Variants in LARP4B observed in about 807,000 individuals in gnomAD.
LARP4B encodes la-related protein 4B.
Under a neutral mutation model 89.8 loss-of-function variants are expected in LARP4B, and 12 were observed. The observed-to-expected ratio is 0.13, with a 90% CI of 0.09 to 0.22. LARP4B has a LOEUF of 0.22. Ranked by LOEUF, LARP4B falls within the 10% of genes least tolerant of loss-of-function variation. The probability of loss-of-function intolerance (pLI) is 1.00; values close to 1 mark genes in which losing one functional copy is unlikely to be tolerated. For missense variants in LARP4B, 757 were observed against 947.7 expected, an observed-to-expected ratio of 0.80 and a Z score of 2.64; for synonymous variants, 367 against 363.3, an observed-to-expected ratio of 1.01 and a Z score of -0.12.
At chr10:844,829 C>T (rs2131740522) in intron 6 of LARP4B, 148 bp downstream of exon 6, 1 of 512,724 alleles carries the variant, frequency 2.0e-6, no homozygotes, top group Non-Finnish European at 3.3e-6. Context: ...TGTCAAAAGA[C>T]TGTCATTACT....
At chr10:906,011 AG>A (rs1836482918) in intron 1 of LARP4B, among the ~76,000 whole-genome samples, 1 of 152,262 alleles carries the variant, frequency 6.6e-6, no homozygotes, top group African/African-American at 2.4e-5. Flanking sequence ...CAAAAGAAAT[AG>A]TAAATCAAAT....
At chr10:901,101 A>G (rs1174812483) in intron 1 of LARP4B, among the ~76,000 whole-genome samples, 1 of 135,646 alleles carries the variant, frequency 7.4e-6, no homozygotes, top group Non-Finnish European at 1.6e-5. Context: ...TTGTATTGTT[A>G]GTAGAGACGA....
the LARP4B span, among the ~76,000 whole-genome samples, chr10:952,343 A>AAG: frequency 6.8e-6 from 1 of 146,982 alleles, no homozygotes; most frequent in African/African-American, 2.6e-5. Flanking sequence ...CCATCTCAAA[A>AAG]AAAAAAAAAA....
intron 3 of LARP4B, among the ~76,000 whole-genome samples, chr10:865,351 G>A (rs7077278): frequency 0.15 from 23,045 of 152,116 alleles, 1,912 homozygotes; most frequent in Non-Finnish European, 0.19. Context: ...CATCATGACA[G>A]TCACGCATGC....
In LARP4B at chr10:910,721, A is replaced by T. The variant is rs542337839; in HGVS notation, c.-40+20707T>A. Among the ~76,000 whole-genome samples the T allele has an allele frequency of 1.5e-3, 235 of 152,328 alleles. 1 individual carries two copies. Among genetic ancestry groups the T allele is most frequent in the African/African-American group, 4.3e-3 (178 of 41,572 alleles). ...TCTGCTCATGGCAGAGGTTTGGGAT[A>T]AAGGACTGGCAGATACTGGTGGTTA... On this transcript the variant is annotated intron_variant, in intron 1 of 17. Coordinates refer to ENST00000316157, the MANE Select transcript of LARP4B (RefSeq NM_015155.3).
chr10:827,672 C>T (rs997508840), intron 11 of LARP4B, among the ~76,000 whole-genome samples: 2 of 152,072 alleles, frequency 1.3e-5, no homozygotes, highest in African/African-American at 4.8e-5. Context: ...ACCCAGAACC[C>T]CAAGGATCCC....
chr10:982,872 G>A, the LARP4B span, among the ~76,000 whole-genome samples: 2 of 152,246 alleles, frequency 1.3e-5, no homozygotes, highest in Non-Finnish European at 2.9e-5. Context: ...TATTTGCTGG[G>A]TAGGGATCAT....
At chr10:878,487 C>T (rs1260263308) in intron 3 of LARP4B, among the ~76,000 whole-genome samples, 2 of 152,202 alleles carry the variant, frequency 1.3e-5, no homozygotes, top group East Asian at 1.9e-4. Context: ...ACACGTTTCT[C>T]CTACTTTCAC....
Position 851,730 on chromosome 10 carries a change from AT to A in LARP4B, c.431-6676del, listed in dbSNP as rs374933940. Among the ~76,000 whole-genome samples the A allele has an allele frequency of 1.8e-4, 28 of 152,338 alleles. 1 individual carries two copies. In the South Asian group the frequency reaches 5.6e-3, roughly 30 times the overall value. On this transcript the variant is annotated intron_variant, in intron 5 of 17. Transcript: ENST00000316157. ...CAAGAAGAAATAAATGAGTAGCACT[AT>A]GAAAAAATAAACTGTAGTTGAAAGC...
At chr10:813,290 G>T (rs1285438488) in intron 17 of LARP4B, 77 bp from the exon 18 acceptor site, 1 of 1,411,438 alleles carries the variant, frequency 7.1e-7, no homozygotes, top group Non-Finnish European at 9.5e-7. Flanking sequence ...GTTCACTTAA[G>T]ATAAAAGAGT....
chr10:937,211 T>G, the LARP4B span, among the ~76,000 whole-genome samples: 1 of 152,032 alleles, frequency 6.6e-6, no homozygotes, highest in Non-Finnish European at 1.5e-5. Flanking sequence ...CCCAGCTAAT[T>G]TTTGCATTTT....
rs1303329671 is a variant in LARP4B, at chr10:931,046, G to A, written c.-40+382C>T. Among the ~76,000 whole-genome samples, 3 of 142,406 alleles carry A rather than the reference G, an allele frequency of 2.1e-5. No individual in the cohort carries two copies. The East Asian group carries it at 6.5e-4, about 31-fold the overall frequency. The allele number at this position is 142,406 out of a possible 152,430, so 93.4% of individuals were successfully genotyped here. A position where few individuals can be genotyped will look rare whatever the true frequency, so the allele number is the denominator to read the frequency against. On this transcript the variant is annotated intron_variant, in intron 1 of 17. Coordinates refer to ENST00000316157, the MANE Select transcript of LARP4B (RefSeq NM_015155.3). ...GGCCTCCCGACCCTGACCCCGGCCC[G>A]GTCTTCCGGGCACCCAGCTCCGTCG...
intron 3 of LARP4B, among the ~76,000 whole-genome samples, chr10:880,583 G>T (rs574132743): frequency 3.3e-5 from 5 of 152,262 alleles, no homozygotes; most frequent in African/African-American, 1.2e-4. Flanking sequence ...CTACTCAGAA[G>T]GCTGAGGCAC....
chr10:824,503 A>G (rs943497126), intron 13 of LARP4B, among the ~76,000 whole-genome samples: 9 of 151,894 alleles, frequency 5.9e-5, no homozygotes, highest in Non-Finnish European at 1.2e-4. Flanking sequence ...AAAAACAAAC[A>G]AACAAACAAA....
the LARP4B span, among the ~76,000 whole-genome samples, chr10:937,040 A>AT: frequency 6.6e-6 from 1 of 152,064 alleles, no homozygotes; most frequent in Non-Finnish European, 1.5e-5. Context: ...TGAAGAAGAG[A>AT]TTTTTTTATT....
the LARP4B span, among the ~76,000 whole-genome samples, chr10:964,043 C>T: frequency 6.6e-6 from 1 of 152,126 alleles, no homozygotes; most frequent in Non-Finnish European, 1.5e-5. Context: ...ATAAACCTGG[C>T]TGTGAGTTGA....
chr10:917,057 TA>T (rs1273888914), intron 1 of LARP4B, among the ~76,000 whole-genome samples: 2 of 152,166 alleles, frequency 1.3e-5, no homozygotes, highest in African/African-American at 2.4e-5. Context: ...TTGGAGTAAG[TA>T]AAAACTTTCA....
chr10:891,264 G>C (rs918802464), intron 1 of LARP4B, among the ~76,000 whole-genome samples: 1 of 152,162 alleles, frequency 6.6e-6, no homozygotes, highest in Non-Finnish European at 1.5e-5. Context: ...GAAAGTTTCG[G>C]AACTGGCTTC....
the LARP4B span, among the ~76,000 whole-genome samples, chr10:969,495 A>G: frequency 6.6e-6 from 1 of 152,102 alleles, no homozygotes; most frequent in Non-Finnish European, 1.5e-5. Context: ...TTTGGGAGGC[A>G]GAGGTGGATA....
Sources: gnomAD v4.1 joint callset for allele counts (sites outside exome capture counted in the v4.1 genomes callset) on GRCh38, gnomAD v4.1.1 for gene constraint, MANE v1.5 for transcripts, NCBI Gene and HGNC (gene_info 2026-07-23, HGNC 2026-07-21) for gene names.